Variants in KATNAL2 observed in about 807,000 individuals in gnomAD.
KATNAL2 encodes katanin catalytic subunit A1 like 2, also known as katanin p60 ATPase-containing subunit A-like 2.
In KATNAL2, 52 loss-of-function variants were observed where a neutral mutation model predicts 76.3. The observed-to-expected ratio is 0.68, with a 90% CI of 0.55 to 0.86. The LOEUF (loss-of-function observed/expected upper bound fraction) is 0.86. Ranked by LOEUF, KATNAL2 falls within the 40% of genes least tolerant of loss-of-function variation. The pLI is 0.00. For missense variants in KATNAL2, 660 were observed against 668.9 expected (o/e 0.99, Z 0.15); for synonymous variants, 243 against 244.2 (o/e 1.00, Z 0.05).
intron 11 of KATNAL2, among the ~76,000 whole-genome samples, chr18:47,068,374 T>C (rs1422075139): frequency 6.6e-6 from 1 of 152,232 alleles, no homozygotes; most frequent in East Asian, 1.9e-4. Context: ...CTTTTCCCCC[T>C]CTTTCTTTCT....
At chr18:47,053,142 T>TACTCCTTTGGTGCAGGGTGAGG in intron 5 of KATNAL2, 96 bp downstream of exon 5, 1 of 1,046,220 alleles carries the variant, frequency 9.6e-7, no homozygotes, top group Non-Finnish European at 1.4e-6. Context: ...ACCCTCACCC[T>TACTCCTTTGGTGCAGGGTGAGG]GCACCAAAGG....
intron 1 of KATNAL2, among the ~76,000 whole-genome samples, chr18:46,921,108 TTTTG>T (rs1396077271): frequency 1.4e-4 from 21 of 152,284 alleles, no homozygotes; most frequent in South Asian, 8.3e-4. Context: ...TCCTAAGTTT[TTTTG>T]TTTGTTTGTT....
intron 15 of KATNAL2, among the ~76,000 whole-genome samples, chr18:47,095,894 C>A (rs998607423): frequency 6.6e-6 from 1 of 152,174 alleles, no homozygotes; most frequent in African/African-American, 2.4e-5. Flanking sequence ...TGCTGTGAAG[C>A]GTGTTTTTTT....
At chr18:47,049,102 C>G (rs1290268991) in intron 4 of KATNAL2, among the ~76,000 whole-genome samples, 2 of 152,086 alleles carry the variant, frequency 1.3e-5, no homozygotes, top group Non-Finnish European at 2.9e-5. Flanking sequence ...GGATTACAGG[C>G]GTGAGCCACC....
intron 15 of KATNAL2, among the ~76,000 whole-genome samples, chr18:47,093,492 TTG>T (rs60759719): frequency 3.3e-5 from 5 of 150,204 alleles, no homozygotes; most frequent in Admixed American, 6.6e-5. Context: ...CATTTCGAAT[TTG>T]TGTGTGTGTG....
At chr18:47,063,157 T>C (rs2147155030) in intron 9 of KATNAL2, 87 bp downstream of exon 9, 1 of 1,464,212 alleles carries the variant, frequency 6.8e-7, no homozygotes, top group Non-Finnish European at 9.5e-7. Context: ...CAGTGAAACC[T>C]TGAGATCAAG....
intron 3 of KATNAL2, among the ~76,000 whole-genome samples, chr18:46,952,524 C>T (rs942176011): frequency 5.3e-5 from 8 of 151,580 alleles, no homozygotes; most frequent in Admixed American, 6.6e-5. Flanking sequence ...CTCAGCCTCC[C>T]GAGTAGCTGG....
intron 1 of KATNAL2, among the ~76,000 whole-genome samples, chr18:46,941,414 TA>T (rs1250175759): frequency 6.6e-6 from 1 of 151,916 alleles, no homozygotes; most frequent in Non-Finnish European, 1.5e-5. Context: ...ACAGAAAGAA[TA>T]AGTGGAATAA....
intron 11 of KATNAL2, 49 bp from the exon 12 acceptor site, chr18:47,069,171 A>C (rs1285921078): frequency 1.5e-6 from 2 of 1,301,274 alleles, no homozygotes; most frequent in East Asian, 4.6e-5. Flanking sequence ...GAGAGTATGC[A>C]GGCTGATGTG....
chr18:47,031,302 C>G (rs929332893), intron 3 of KATNAL2, among the ~76,000 whole-genome samples: 3 of 151,976 alleles, frequency 2.0e-5, no homozygotes, highest in Non-Finnish European at 4.4e-5. Flanking sequence ...CCTTTCAGTC[C>G]GAATGAGGAA....
At position 47,052,983 on chromosome 18, in the gene KATNAL2, G is replaced by C. The variant is rs1347192892; in HGVS notation, c.226G>C (p.Glu76Gln). 4 of 1,609,792 alleles carry C rather than the reference G, an allele frequency of 2.5e-6. No individual in the cohort carries two copies. Among genetic ancestry groups the C allele is most frequent in the Non-Finnish European group, 3.4e-6 (4 of 1,177,890 alleles). Residue 76 changes from glutamate to glutamine, a missense_variant, in exon 5 of 18, where the codon GAG becomes CAG. By Grantham distance (29) the Glu-to-Gln change is conservative (BLOSUM62 2). Coordinates refer to ENST00000683218, the MANE Select transcript of KATNAL2 (RefSeq NM_001387690.1). ...TCTTGAAACTATTTTGATGGAATAT[G>C]AGAGTTATTATTTTGTAAAATTTCA... ...IDLETILMEY[E>Q]SYYFVKFQKY...
At chr18:47,080,401 C>G (rs896621318) in intron 15 of KATNAL2, among the ~76,000 whole-genome samples, 6 of 152,156 alleles carry the variant, frequency 3.9e-5, no homozygotes, top group African/African-American at 1.4e-4. Context: ...GCAACTACCA[C>G]CACAATCAAT....
chr18:47,057,166 T>G (rs1182973343), intron 6 of KATNAL2, among the ~76,000 whole-genome samples: 1 of 152,120 alleles, frequency 6.6e-6, no homozygotes. Flanking sequence ...ATTATCCCCA[T>G]AAAGAAAGGA....
intron 4 of KATNAL2, among the ~76,000 whole-genome samples, chr18:47,047,433 T>C (rs2061195484): frequency 6.6e-6 from 1 of 152,168 alleles, no homozygotes; most frequent in Non-Finnish European, 1.5e-5. Context: ...AAAATAAACG[T>C]ATTGCATTTA....
At chr18:47,044,380 T>A (rs928156758) in intron 3 of KATNAL2, among the ~76,000 whole-genome samples, 1 of 152,162 alleles carries the variant, frequency 6.6e-6, no homozygotes, top group African/African-American at 2.4e-5. Flanking sequence ...TTCGGGAAGA[T>A]GAAAATTTTC....
At chr18:47,060,513 C>T (rs2061600867) in intron 8 of KATNAL2, among the ~76,000 whole-genome samples, 1 of 152,086 alleles carries the variant, frequency 6.6e-6, no homozygotes, top group East Asian at 1.9e-4. Context: ...AGAAAAGACC[C>T]AGATTGGGTG....
chr18:47,066,869 A>ATATATATG (rs2061821357), intron 10 of KATNAL2, 152 bp from the exon 11 acceptor site: 1 of 80,078 alleles, frequency 1.2e-5, no homozygotes. Context: ...ATATATATAT[A>ATATATATG]TATATATATA....
At chr18:46,962,278 G>A (rs2146816551) in intron 3 of KATNAL2, among the ~76,000 whole-genome samples, 1 of 131,348 alleles carries the variant, frequency 7.6e-6, no homozygotes, top group Non-Finnish European at 1.5e-5. Flanking sequence ...GATGGCCGAC[G>A]ATTACAGGAT....
In KATNAL2 at chr18:47,077,359, A is replaced by G; in HGVS notation, c.1109A>G (p.His370Arg). The G allele has an allele frequency of 6.2e-7, 1 of 1,613,442 alleles. No individual in the cohort carries two copies. Among genetic ancestry groups the G allele is most frequent in the Non-Finnish European group, 8.5e-7 (1 of 1,179,378 alleles). Reference sequence around the variant, plus strand: ...GTCTTGTCTCTCTGTAGGGGAGAACATGAAGGAAGCCTGCGGATGAAGACA... The same window carrying G: ...GTCTTGTCTCTCTGTAGGGGAGAACGTGAAGGAAGCCTGCGGATGAAGACA... The part of the protein sequence containing the change: ...SQRGTASGGE[H>R]EGSLRMKTEL... Residue 370 changes from histidine (H) to arginine (R), a missense_variant, in exon 15 of 18, where the codon CAT becomes CGT. Coordinates refer to ENST00000683218, the MANE Select transcript of KATNAL2 (RefSeq NM_001387690.1).
Sources: gnomAD v4.1 joint callset for allele counts (sites outside exome capture counted in the v4.1 genomes callset) on GRCh38, gnomAD v4.1.1 for gene constraint, MANE v1.5 for transcripts, NCBI Gene and HGNC (gene_info 2026-07-23, HGNC 2026-07-21) for gene names.